PARP6: variants seen among roughly 807,000 people sequenced by gnomAD.
The protein encoded by PARP6 is protein mono-ADP-ribosyltransferase PARP6.
In PARP6, 27 loss-of-function variants were observed where a neutral mutation model predicts 92.0. That is an observed-to-expected ratio of 0.29 (90% CI 0.22 to 0.40). The LOEUF is 0.40. Among genes scored for constraint, PARP6 ranks in the 10% least tolerant of loss-of-function variants. The probability of loss-of-function intolerance (pLI) is 1.00; values close to 1 mark genes in which losing one functional copy is unlikely to be tolerated. For synonymous variants in PARP6, 272 were observed against 281.2 expected (o/e 0.97, Z 0.33); for missense variants, 501 against 784.5 (o/e 0.64, Z 4.32).
chr15:72,270,980 C>G (rs1453364802), intron 2 of PARP6, 43 bp downstream of exon 2: 1 of 152,096 alleles, frequency 6.6e-6, no homozygotes, highest in Non-Finnish European at 1.5e-5. Flanking sequence ...TACACATAGA[C>G]AAAAATCACA....
At chr15:72,254,239 G>A (rs1310651973) in intron 15 of PARP6, among the ~76,000 whole-genome samples, 1 of 152,074 alleles carries the variant, frequency 6.6e-6, no homozygotes, top group Non-Finnish European at 1.5e-5. Context: ...AACAGCAAAG[G>A]TAAAGATTGA....
intron 20 of PARP6, chr15:72,244,042 G>A (rs148250227): frequency 1.3e-5 from 2 of 152,198 alleles, no homozygotes; most frequent in African/African-American, 4.8e-5. Flanking sequence ...GACACCAAGA[G>A]CCTCAAGGCT....
chr15:72,266,948 GA>G, intron 3 of PARP6, 126 bp from the exon 4 acceptor site: 1 of 739,056 alleles, frequency 1.4e-6, no homozygotes, highest in South Asian at 1.6e-5. Flanking sequence ...CTGAAGCCCT[GA>G]TCCCTTTACA....
chr15:72,267,724 G>A (rs2086784616), intron 2 of PARP6, 53 bp from the exon 3 acceptor site: 5 of 512,464 alleles, frequency 9.8e-6, no homozygotes, highest in East Asian at 9.3e-5. Context: ...GCTGGGTGGT[G>A]TATATATACA....
chr15:72,253,801 A>G, intron 15 of PARP6: 1 of 540,474 alleles, frequency 1.9e-6, no homozygotes, highest in Non-Finnish European at 3.5e-6. Flanking sequence ...AAATAAAATC[A>G]ATGTCCCAAG....
In PARP6 at chr15:72,242,867, T is replaced by C. The variant is rs911814012; in HGVS notation, c.1562-168A>G. On this transcript the variant is annotated intron_variant, in intron 20 of 23. Transcript: ENST00000569795. This position sits in a 1 kb window ranked among gnomAD's most constrained non-coding sequence, Gnocchi z 4.3. ...GGAAATTACAAGCAAGAACAAGTAA[T>C]TAACAACACAGCATGGTAAGGGGTT... is the stretch of plus-strand genomic sequence containing the variant. 2 of 591,300 alleles carry C rather than the reference T, an allele frequency of 3.4e-6. No homozygotes were observed. The highest frequency in any genetic ancestry group is 6.0e-6 in the Non-Finnish European group (2 of 332,744). 36.6% of individuals were successfully genotyped at this position (591,300 alleles called of 1,614,324 possible). A position where few individuals can be genotyped will look rare whatever the true frequency, so the allele number is the denominator to read the frequency against.
Position 72,242,494 on chromosome 15 carries a change from C to A in PARP6, c.1641+126G>T. ...AGACGTGTGTTCACTTTAGAACATACCTGACTCCTTTAAATGATCTCAAAT... is the reference window on the plus strand; with the variant it reads ...AGACGTGTGTTCACTTTAGAACATAACTGACTCCTTTAAATGATCTCAAAT... On this transcript the variant is annotated intron_variant, in intron 21 of 23. Transcript: ENST00000569795. This position sits in a 1 kb window ranked among gnomAD's most constrained non-coding sequence, Gnocchi z 4.3. The A allele has an allele frequency of 1.4e-6, 1 of 735,128 alleles. No homozygotes were observed. The highest frequency in any genetic ancestry group is 1.5e-5 in the South Asian group (1 of 66,244). The allele number at this position is 735,128 out of a possible 1,614,324, so 45.5% of individuals were successfully genotyped here.
At chr15:72,244,472 A>G (rs2083385887) in intron 20 of PARP6, 1 of 152,274 alleles carries the variant, frequency 6.6e-6, no homozygotes, top group South Asian at 2.1e-4. Flanking sequence ...AAACAGATGG[A>G]GTATATCACC....
intron 11 of PARP6, 100 bp from the exon 12 acceptor site, chr15:72,258,232 G>A (rs1472387355): frequency 4.8e-6 from 4 of 826,272 alleles, no homozygotes; most frequent in Non-Finnish European, 8.3e-6. Flanking sequence ...CATCCTCCCA[G>A]CCCCGTGCCT....
At position 72,251,197 on chromosome 15, in the gene PARP6, G is replaced by A. The variant is rs758604918; in HGVS notation, c.1308+10C>T. ...AATTTAAAGCATTTAGAGGGAGAAT[G>A]GTCACTTACCCTGCTGAGAGGTAGT... On this transcript the variant is annotated intron_variant, in intron 17 of 23. Transcript: ENST00000569795. 1.3e-6 allele frequency: 2 copies of A among 1,564,994 alleles called. No individual in the cohort carries two copies. Among genetic ancestry groups the A allele is most frequent in the Non-Finnish European group, 1.8e-6 (2 of 1,135,128 alleles).
intron 7 of PARP6, 63 bp downstream of exon 7, chr15:72,265,018 A>T: frequency 9.1e-7 from 1 of 1,094,138 alleles, no homozygotes; most frequent in Non-Finnish European, 1.4e-6. Context: ...TACCTCAGTT[A>T]ACTTAGGGCT....
intron 20 of PARP6, chr15:72,244,113 C>T (rs571913502): frequency 1.1e-4 from 16 of 152,316 alleles, no homozygotes; most frequent in African/African-American, 3.4e-4. Flanking sequence ...TTCACCTTCC[C>T]CATTAGCCTT....
intron 19 of PARP6, among the ~76,000 whole-genome samples, chr15:72,249,629 G>A (rs1002352538): frequency 1.3e-5 from 2 of 152,206 alleles, no homozygotes; most frequent in African/African-American, 2.4e-5. Context: ...ACTACAGAAC[G>A]GGTAGCCAGA....
chr15:72,265,801 T>TC (rs1207121089), intron 5 of PARP6, 96 bp downstream of exon 5: 2 of 815,854 alleles, frequency 2.5e-6, no homozygotes, highest in East Asian at 5.1e-5. Flanking sequence ...TCATAATTTA[T>TC]CCCACTATCA....
chr15:72,265,006 T>A, intron 7 of PARP6, 75 bp downstream of exon 7: 1 of 969,426 alleles, frequency 1.0e-6, no homozygotes, highest in South Asian at 1.4e-5. Flanking sequence ...CTAATTTTTT[T>A]CTACCTCAGT....
chr15:72,250,759 T>A (rs1226557901), intron 18 of PARP6, 86 bp downstream of exon 18: 1 of 737,006 alleles, frequency 1.4e-6, no homozygotes, highest in Non-Finnish European at 2.4e-6. Context: ...TGGACACATG[T>A]AACACAAACT....
At chr15:72,250,709 T>C (rs2084229006) in intron 18 of PARP6, 136 bp downstream of exon 18, 2 of 627,542 alleles carry the variant, frequency 3.2e-6, no homozygotes, top group Non-Finnish European at 5.8e-6. Flanking sequence ...CTATAGCACC[T>C]ACCACAATAG....
chr15:72,270,982 A>G (rs552176948), intron 2 of PARP6, 41 bp downstream of exon 2: 1 of 152,332 alleles, frequency 6.6e-6, no homozygotes, highest in African/African-American at 2.4e-5. Flanking sequence ...CACATAGACA[A>G]AAATCACACA....
intron 3 of PARP6, 128 bp from the exon 4 acceptor site, chr15:72,266,950 T>C (rs773695487): frequency 1.1e-4 from 83 of 723,784 alleles, no homozygotes; most frequent in Middle Eastern, 2.7e-4. Context: ...GAAGCCCTGA[T>C]CCCTTTACAC....
Sources: allele counts gnomAD v4.1 joint callset (sites outside exome capture counted in the v4.1 genomes callset), GRCh38; gene constraint gnomAD v4.1.1; non-coding constraint Gnocchi (gnomAD v3.1); transcripts MANE v1.5; gene names NCBI Gene and HGNC (gene_info 2026-07-23, HGNC 2026-07-21).